The following LPAR5 variants were observed in gnomAD, a reference collection of about 807,000 sequenced individuals.
The protein encoded by LPAR5 is G protein-coupled receptor 92.
For missense variants in LPAR5, 544 were observed against 521.8 expected, an observed-to-expected ratio of 1.04 and a Z score of -0.41; for synonymous variants, 271 against 261.6, an observed-to-expected ratio of 1.04 and a Z score of -0.35.
At chr12:6,627,673 G>A (rs1418853873) in intron 1 of LPAR5, among the ~76,000 whole-genome samples, 4 of 152,100 alleles carry the variant, frequency 2.6e-5, no homozygotes, top group East Asian at 3.8e-4. Context: ...CCCCTCAATC[G>A]TTTTATGTAT....
Position 6,619,101 on chromosome 12 carries a change from AGT to A in LPAR5, c.*1027_*1028del, listed in dbSNP as rs1055419874. Reference sequence around the variant, plus strand: ...GTAGAGTTTTCCAGAGGCTTCATGAAGTGTGTGTGGTGACATTATTGCTCCCA... The same window carrying A: ...GTAGAGTTTTCCAGAGGCTTCATGAAGTGTGTGGTGACATTATTGCTCCCA... On this transcript the variant is annotated 3_prime_UTR_variant, in exon 2 of 2. Transcript: ENST00000329858. The A allele has an allele frequency of 8.5e-5, 13 of 152,208 alleles. No homozygotes were observed. The highest frequency in any genetic ancestry group is 2.7e-4 in the African/African-American group (11 of 41,446). 9.4% of individuals were successfully genotyped at this position (152,208 alleles called of 1,614,324 possible).
At chr12:6,627,746 A>G (rs1205844672) in intron 1 of LPAR5, among the ~76,000 whole-genome samples, 2 of 151,892 alleles carry the variant, frequency 1.3e-5, no homozygotes, top group Non-Finnish European at 2.9e-5. Flanking sequence ...TTGCAGACAC[A>G]TTTCACTCTC....
In LPAR5 at chr12:6,619,963, T is replaced by C; in HGVS notation, c.*167A>G. Reference sequence around the variant, plus strand: ...AGAAGCCATTTCCAGCAGCACTGCCTTCCCTGGGCCCTGGCTTCCACACTT... The same window carrying C: ...AGAAGCCATTTCCAGCAGCACTGCCCTCCCTGGGCCCTGGCTTCCACACTT... On this transcript the variant is annotated 3_prime_UTR_variant, in exon 2 of 2. Transcript: ENST00000329858. The C allele has an allele frequency of 1.1e-6, 1 of 948,430 alleles. No homozygotes were observed. The highest frequency in any genetic ancestry group is 1.7e-6 in the Non-Finnish European group (1 of 600,348). 58.8% of individuals were successfully genotyped at this position (948,430 alleles called of 1,614,324 possible).
rs1948874634 is a variant in LPAR5, at chr12:6,620,062, C to T, written c.*68G>A. On this transcript the variant is annotated 3_prime_UTR_variant, in exon 2 of 2. Coordinates refer to ENST00000329858, the MANE Select transcript of LPAR5 (RefSeq NM_020400.6). The surrounding 1 kb of genome is among the most constrained non-coding windows in gnomAD (Gnocchi z 6.8). ...TGCCCAGCCCACCTTCTTGTGTGTA[C>T]ACCCTGTAAGCCTCCCAGAACGAGA... 4.4e-6 allele frequency: 7 copies of T among 1,591,374 alleles called. No homozygotes were observed. In the East Asian group the frequency reaches 1.6e-4, roughly 36 times the overall value.
chr12:6,621,303 T>TCATGG lies in LPAR5; in HGVS notation c.-60_-56dup, dbSNP rs1948894443. ...GGGGATGCCATGGAGCACACCAGAA[T>TCATGG]CATGGCATGGCATTCACCTCCGGGG... On this transcript the variant is annotated 5_prime_UTR_variant, in exon 2 of 2. The change creates a new upstream start codon in the 5' untranslated region. Coordinates refer to ENST00000329858, the MANE Select transcript of LPAR5 (RefSeq NM_020400.6). The TCATGG allele has an allele frequency of 1.3e-5, 19 of 1,433,812 alleles. No individual in the cohort carries two copies. Among genetic ancestry groups the TCATGG allele is most frequent in the Non-Finnish European group, 1.7e-5 (19 of 1,091,002 alleles). The allele number at this position is 1,433,812 out of a possible 1,614,324, so 88.8% of individuals were successfully genotyped here. A position where few individuals can be genotyped will look rare whatever the true frequency, so the allele number is the denominator to read the frequency against.
At chr12:6,631,920 G>A (rs1234718110) in intron 1 of LPAR5, among the ~76,000 whole-genome samples, 1 of 152,020 alleles carries the variant, frequency 6.6e-6, no homozygotes, top group Non-Finnish European at 1.5e-5. Flanking sequence ...CCACCTCCCC[G>A]CAAACACCAC....
chr12:6,629,851 C>T (rs1206785067), intron 1 of LPAR5, among the ~76,000 whole-genome samples: 1 of 150,788 alleles, frequency 6.6e-6, no homozygotes, highest in East Asian at 2.0e-4. Flanking sequence ...TAGTGAAAAC[C>T]CCATCTCTAC....
chr12:6,623,482 C>A (rs954020718), intron 1 of LPAR5, among the ~76,000 whole-genome samples: 1 of 151,428 alleles, frequency 6.6e-6, no homozygotes, highest in Non-Finnish European at 1.5e-5. Context: ...TGCAATGAGT[C>A]GAGATCACGC....
chr12:6,630,005 C>T (rs961146135), intron 1 of LPAR5, among the ~76,000 whole-genome samples: 1 of 152,006 alleles, frequency 6.6e-6, no homozygotes, highest in Non-Finnish European at 1.5e-5. Context: ...GCCTGGGTGA[C>T]AAGAGTGAAA....
Position 6,620,918 on chromosome 12 carries a change from A to C in LPAR5, c.331T>G (p.Phe111Val). ...CGGTCCACGTTGATGAGCATCAGGAAGATGCAGCTGCCGTACATGTTCATC... is the reference window on the plus strand; with the variant it reads ...CGGTCCACGTTGATGAGCATCAGGACGATGCAGCTGCCGTACATGTTCATC... ...FQMNMYGSCI[F>V]LMLINVDRYA... The change falls in exon 2 of 2, where the codon TTC becomes GTC. Residue 111 changes from phenylalanine to valine, a missense_variant. Phe to Val is a conservative substitution (Grantham distance 50). Transcript: ENST00000329858. The surrounding 1 kb of genome is among the most constrained non-coding windows in gnomAD (Gnocchi z 6.8). 6.2e-7 allele frequency: 1 copy of C among 1,602,358 alleles called. No individual in the cohort carries two copies.
intron 1 of LPAR5, among the ~76,000 whole-genome samples, chr12:6,623,336 C>T (rs1299647850): frequency 6.6e-6 from 1 of 151,800 alleles, no homozygotes; most frequent in East Asian, 1.9e-4. Flanking sequence ...GAGTTGAAGA[C>T]CAACCTGGCC....
chr12:6,620,379 G>A lies in LPAR5; in HGVS notation c.870C>T (p.Cys290=), dbSNP rs1253770328. The change falls in exon 2 of 2, where the codon TGC becomes TGT. Residue 290 remains cysteine (C), a synonymous_variant. Coordinates refer to ENST00000329858, the MANE Select transcript of LPAR5 (RefSeq NM_020400.6). The surrounding 1 kb of genome is among the most constrained non-coding windows in gnomAD (Gnocchi z 6.8). ...MVMVLLAGAN[C]VLDPLVYYFS... ...AGTAGTACACCAGCGGGTCCAGCAC[G>A]CAGTTGGCGCCGGCCAGCAGCACCA... is the stretch of plus-strand genomic sequence containing the variant. The A allele has an allele frequency of 1.2e-6, 2 of 1,611,620 alleles. No homozygotes were observed. Among genetic ancestry groups the A allele is most frequent in the South Asian group, 1.1e-5 (1 of 90,962 alleles).
At chr12:6,625,944 G>T (rs1312271831) in intron 1 of LPAR5, among the ~76,000 whole-genome samples, 2 of 152,088 alleles carry the variant, frequency 1.3e-5, no homozygotes, top group African/African-American at 2.4e-5. Context: ...GGACCTACAG[G>T]CGTGTGCCAC....
intron 1 of LPAR5, among the ~76,000 whole-genome samples, chr12:6,635,350 T>C (rs1422204214): frequency 1.3e-5 from 2 of 152,178 alleles, no homozygotes; most frequent in Non-Finnish European, 2.9e-5. Context: ...AATCCCCTTA[T>C]ATAGATGCAC....
chr12:6,631,195 C>T (rs1948978846), intron 1 of LPAR5, among the ~76,000 whole-genome samples: 1 of 152,210 alleles, frequency 6.6e-6, no homozygotes, highest in African/African-American at 2.4e-5. Flanking sequence ...CCACTCATTA[C>T]ACGTGTGTGC....
In LPAR5 at chr12:6,620,233, G is replaced by T. The variant is rs1416355707; in HGVS notation, c.1016C>A (p.Thr339Asn). 2 of 1,611,764 alleles carry T rather than the reference G, an allele frequency of 1.2e-6. No individual in the cohort carries two copies. Among genetic ancestry groups the T allele is most frequent in the East Asian group, 4.5e-5 (2 of 44,806 alleles). ...LAQSERSAVT[T>N]DATRPDAASQ... ...GGCGGCATCCGGCCTGGTGGCGTCG[G>T]TGGTGACGGCGGACCTTTCGGATTG... Residue 339 changes from threonine (T) to asparagine (N), a missense_variant, in exon 2 of 2, where the codon ACC (threonine) becomes AAC (asparagine). Transcript: ENST00000329858. This position sits in a 1 kb window ranked among gnomAD's most constrained non-coding sequence, Gnocchi z 6.8.
intron 1 of LPAR5, among the ~76,000 whole-genome samples, chr12:6,632,493 G>T (rs1948985945): frequency 6.6e-6 from 1 of 152,120 alleles, no homozygotes; most frequent in Non-Finnish European, 1.5e-5. Context: ...CGCTGAATTA[G>T]CGAAGCCTAC....
chr12:6,630,648 C>CA (rs1415214258), intron 1 of LPAR5, among the ~76,000 whole-genome samples: 2 of 151,798 alleles, frequency 1.3e-5, no homozygotes, highest in Non-Finnish European at 2.9e-5. Context: ...AGACAGGTTT[C>CA]ACCATATTGG....
At chr12:6,623,598 G>T (rs1055268232) in intron 1 of LPAR5, among the ~76,000 whole-genome samples, 3 of 151,926 alleles carry the variant, frequency 2.0e-5, no homozygotes, top group African/African-American at 7.3e-5. Flanking sequence ...TGTGTAAAAC[G>T]CTTAGGTTGC....
Sources: gnomAD v4.1 joint callset for allele counts (sites outside exome capture counted in the v4.1 genomes callset) on GRCh38, gnomAD v4.1.1 for gene constraint, Gnocchi (gnomAD v3.1) non-coding constraint, MANE v1.5 for transcripts, NCBI Gene and HGNC (gene_info 2026-07-23, HGNC 2026-07-21) for gene names.